CRPPA: variants seen among roughly 807,000 people sequenced by gnomAD.
CRPPA encodes the protein D-ribitol-5-phosphate cytidylyltransferase.
Under a neutral mutation model 52.0 loss-of-function variants are expected in CRPPA, and 43 were observed. The ratio of observed to expected loss-of-function variants is 0.83; its 90% CI spans 0.65 to 1.07. CRPPA has a LOEUF of 1.07. Among genes scored for constraint, CRPPA ranks in the 50% least tolerant of loss-of-function variants. The pLI is 0.00. For synonymous variants in CRPPA, 250 were observed against 203.5 expected (o/e 1.23, Z -1.94); for missense variants, 629 against 551.7 (o/e 1.14, Z -1.40).
chr7:16,225,485 G>A (rs1583445896), intron 8 of CRPPA, among the ~76,000 whole-genome samples: 1 of 151,864 alleles, frequency 6.6e-6, no homozygotes, highest in African/African-American at 2.4e-5. Context: ...GATTTGTTTA[G>A]CTAACTATAA....
chr7:16,339,477 G>A (rs144235829), intron 3 of CRPPA, among the ~76,000 whole-genome samples: 70 of 152,214 alleles, frequency 4.6e-4, no homozygotes, highest in African/African-American at 1.6e-3. Context: ...TGGAGAAAAC[G>A]TATTTGATAA....
intron 9 of CRPPA, among the ~76,000 whole-genome samples, chr7:16,190,895 T>C (rs1583418449): frequency 1.3e-5 from 2 of 152,116 alleles, no homozygotes; most frequent in South Asian, 4.1e-4. Context: ...TTTTTTCACA[T>C]AGAATAATAG....
intron 9 of CRPPA, among the ~76,000 whole-genome samples, chr7:16,138,475 A>C (rs10227232): frequency 6.6e-6 from 1 of 151,872 alleles, no homozygotes; most frequent in African/African-American, 2.4e-5. Flanking sequence ...ACATGAGAGG[A>C]TATCCAAATT....
At chr7:16,392,218 C>A (rs927631464) in intron 2 of CRPPA, among the ~76,000 whole-genome samples, 1 of 152,118 alleles carries the variant, frequency 6.6e-6, no homozygotes, top group Non-Finnish European at 1.5e-5. Context: ...TCCAATCCAA[C>A]AATTCACTCT....
At chr7:16,105,020 C>A (rs930458319) in intron 9 of CRPPA, among the ~76,000 whole-genome samples, 5 of 151,562 alleles carry the variant, frequency 3.3e-5, no homozygotes, top group Admixed American at 3.3e-4. Context: ...CAGGAGAAAA[C>A]AGTGAAAACA....
intron 5 of CRPPA, among the ~76,000 whole-genome samples, chr7:16,286,506 G>C (rs1176153155): frequency 2.0e-5 from 3 of 151,986 alleles, no homozygotes; most frequent in Admixed American, 6.6e-5. Flanking sequence ...TCTCATCATA[G>C]GATTCCTACC....
At chr7:16,396,467 G>C (rs777683761) in intron 2 of CRPPA, among the ~76,000 whole-genome samples, 1 of 152,210 alleles carries the variant, frequency 6.6e-6, no homozygotes, top group Non-Finnish European at 1.5e-5. Context: ...TACACTGCTG[G>C]TGAGAATATA....
At chr7:16,142,848 C>T (rs561895035) in intron 9 of CRPPA, among the ~76,000 whole-genome samples, 2 of 152,184 alleles carry the variant, frequency 1.3e-5, no homozygotes, top group South Asian at 4.1e-4. Context: ...TGCTAGTTCA[C>T]CTATAACTTA....
chr7:16,276,188 G>C (rs1475495685), intron 6 of CRPPA, among the ~76,000 whole-genome samples: 2 of 152,054 alleles, frequency 1.3e-5, no homozygotes, highest in Non-Finnish European at 2.9e-5. Context: ...AATAGCTGTG[G>C]ATGGCCAAAG....
intron 3 of CRPPA, among the ~76,000 whole-genome samples, chr7:16,319,613 A>T (rs905208285): frequency 6.6e-6 from 1 of 152,168 alleles, no homozygotes; most frequent in Admixed American, 6.6e-5. Flanking sequence ...TACACTGGAC[A>T]GACTGCCCAA....
intron 3 of CRPPA, among the ~76,000 whole-genome samples, chr7:16,372,309 G>A (rs1350902478): frequency 6.6e-6 from 1 of 152,158 alleles, no homozygotes; most frequent in Non-Finnish European, 1.5e-5. Context: ...AAAGCATCAG[G>A]TAACCTACAA....
intron 9 of CRPPA, among the ~76,000 whole-genome samples, chr7:16,129,271 G>T (rs913586441): frequency 2.6e-5 from 4 of 151,970 alleles, no homozygotes; most frequent in African/African-American, 7.3e-5. Flanking sequence ...GGATACAAAA[G>T]TTGCTATTCA....
chr7:16,128,791 A>T (rs1562518210), intron 9 of CRPPA, among the ~76,000 whole-genome samples: 1 of 152,192 alleles, frequency 6.6e-6, no homozygotes, highest in African/African-American at 2.4e-5. Flanking sequence ...ATTATAACAG[A>T]TTATGATAAT....
chr7:16,330,232 T>C (rs1027826465), intron 3 of CRPPA, among the ~76,000 whole-genome samples: 4 of 152,228 alleles, frequency 2.6e-5, no homozygotes, highest in Non-Finnish European at 5.9e-5. Context: ...TATGAACACT[T>C]CATTGTTATC....
Position 16,421,374 on chromosome 7 carries a change from C to G in CRPPA, c.-52G>C. The G allele has an allele frequency of 8.2e-7, 1 of 1,218,478 alleles. No homozygotes were observed. The highest frequency in any genetic ancestry group is 1.0e-6 in the Non-Finnish European group (1 of 979,094). 75.5% of individuals were successfully genotyped at this position (1,218,478 alleles called of 1,614,324 possible). On this transcript the variant is annotated 5_prime_UTR_variant, in exon 1 of 10. Transcript: ENST00000407010. Reference sequence around the variant, plus strand: ...CTAGCCTCGGGCCGATGCGACCCCGCGCTGCTCCCACCCTCGGCCGGGGTC... The same window carrying G: ...CTAGCCTCGGGCCGATGCGACCCCGGGCTGCTCCCACCCTCGGCCGGGGTC...
chr7:16,128,634 T>A (rs1583376395), intron 9 of CRPPA, among the ~76,000 whole-genome samples: 1 of 152,098 alleles, frequency 6.6e-6, no homozygotes, highest in Non-Finnish European at 1.5e-5. Flanking sequence ...ATTAGTGATA[T>A]GAGGTAGAAA....
intron 3 of CRPPA, among the ~76,000 whole-genome samples, chr7:16,338,309 T>C (rs1407183864): frequency 1.3e-5 from 2 of 152,178 alleles, no homozygotes; most frequent in African/African-American, 2.4e-5. Flanking sequence ...TCTTGATACA[T>C]GCAGAAAAAA....
At chr7:16,138,951 G>C (rs953908024) in intron 9 of CRPPA, among the ~76,000 whole-genome samples, 2 of 151,986 alleles carry the variant, frequency 1.3e-5, no homozygotes, top group Non-Finnish European at 2.9e-5. Flanking sequence ...ACAGGTGCCC[G>C]CCACCACACC....
intron 5 of CRPPA, among the ~76,000 whole-genome samples, chr7:16,290,813 T>G (rs1784549054): frequency 6.6e-6 from 1 of 152,002 alleles, no homozygotes; most frequent in Non-Finnish European, 1.5e-5. Context: ...GGAAAAAGCT[T>G]CTGCACAGCA....
Sources: allele counts gnomAD v4.1 joint callset (sites outside exome capture counted in the v4.1 genomes callset), GRCh38; gene constraint gnomAD v4.1.1; transcripts MANE v1.5; gene names NCBI Gene and HGNC (gene_info 2026-07-23, HGNC 2026-07-21).